FCHSD1: variants seen among roughly 807,000 people sequenced by gnomAD.
FCHSD1 encodes FCH and double SH3 domains 1.
Under a neutral mutation model 101.3 loss-of-function variants are expected in FCHSD1, and 109 were observed. The ratio of observed to expected loss-of-function variants is 1.08; its 90% CI spans 0.92 to 1.26. FCHSD1 has a LOEUF of 1.26. Among genes scored for constraint, FCHSD1 ranks in the 50% most tolerant of loss-of-function variants. FCHSD1 has a pLI of 0.00. For missense variants in FCHSD1, 820 were observed against 895.8 expected (o/e 0.92, Z 1.08); for synonymous variants, 291 against 356.8 (o/e 0.82, Z 2.08).
At chr5:141,647,082 A>T (rs1217350847) in intron 10 of FCHSD1, 53 bp downstream of exon 10, 1 of 1,492,278 alleles carries the variant, frequency 6.7e-7, no homozygotes, top group South Asian at 1.2e-5. Flanking sequence ...AGGAGGCCTA[A>T]ATCATAATCG....
intron 10 of FCHSD1, 67 bp from the exon 11 acceptor site, chr5:141,646,789 T>C: frequency 1.9e-6 from 3 of 1,563,644 alleles, no homozygotes; most frequent in Non-Finnish European, 2.6e-6. Context: ...TCCCTCCTTT[T>C]TCCACTCTAT....
At position 141,649,830 on chromosome 5, in the gene FCHSD1, G is replaced by T; in HGVS notation, c.233+57C>A. 1 of 1,525,054 alleles carries T rather than the reference G, an allele frequency of 6.6e-7. No individual in the cohort carries two copies. 94.5% of individuals were successfully genotyped at this position (1,525,054 alleles called of 1,614,324 possible). A position where few individuals can be genotyped will look rare whatever the true frequency, so the allele number is the denominator to read the frequency against. On this transcript the variant is annotated intron_variant, in intron 4 of 19. Coordinates refer to ENST00000435817, the MANE Select transcript of FCHSD1 (RefSeq NM_033449.3). The surrounding 1 kb of genome is among the most constrained non-coding windows in gnomAD (Gnocchi z 4.1). ...GGCCTTCATCCCCACAGGTTCCTGG[G>T]GCTGAGCTCCCCATCACTTTTTGGC... is the stretch of plus-strand genomic sequence containing the variant.
chr5:141,645,280 A>G (rs759367529), intron 13 of FCHSD1, 132 bp from the exon 14 acceptor site: 23 of 1,266,108 alleles, frequency 1.8e-5, no homozygotes, highest in Admixed American at 4.8e-5. Context: ...CTCACCATGT[A>G]CACAACCACA....
At position 141,650,413 on chromosome 5, in the gene FCHSD1, A is replaced by G. The variant is rs202160756; in HGVS notation, c.120-9T>C. ...TCTGCTTGCTGTAGGATCTGCGGAG[A>G]TTGCAGGTCGGGGGTGAGGTGGGGG... On this transcript the variant is annotated splice_polypyrimidine_tract_variant and intron_variant, in intron 2 of 19. Coordinates refer to ENST00000435817, the MANE Select transcript of FCHSD1 (RefSeq NM_033449.3). 8.2e-4 allele frequency: 1,317 copies of G among 1,613,706 alleles called. 13 individuals are homozygous for G. Among genetic ancestry groups the G allele is most frequent in the South Asian group, 5.0e-3 (453 of 91,072 alleles).
intron 12 of FCHSD1, 53 bp from the exon 13 acceptor site, chr5:141,645,985 T>G: frequency 6.5e-7 from 1 of 1,540,114 alleles, no homozygotes; most frequent in Non-Finnish European, 8.8e-7. Flanking sequence ...CAGTGTTTAC[T>G]CTCTGCTTCT....
Position 141,647,479 on chromosome 5 carries a change from CAG to C in FCHSD1, c.745_746del (p.Leu249AspfsTer7), listed in dbSNP as rs551678974. 1.9e-5 allele frequency: 30 copies of C among 1,612,594 alleles called. No individual in the cohort carries two copies. The South Asian group carries it at 3.2e-4, about 17-fold the overall frequency. On this transcript the variant is annotated frameshift_variant, in exon 9 of 20. Coordinates refer to ENST00000435817, the MANE Select transcript of FCHSD1 (RefSeq NM_033449.3). LOFTEE classifies it high-confidence loss of function. ...CCAGCTCAGTGTGGCTCAGGGAGGT[CAG>C]GGGGTCCCTCAAGTGCTCTGACAGC... ...SELSEHLRDP[L>X]TSLSHTELEA...
At position 141,640,757 on chromosome 5, in the gene FCHSD1, G is replaced by GC. The variant is rs2099906771; in HGVS notation, c.*740dup. 6.2e-6 allele frequency: 8 copies of GC among 1,294,266 alleles called. No homozygotes were observed. Among genetic ancestry groups the GC allele is most frequent in the South Asian group, 1.4e-5 (1 of 72,670 alleles). 80.2% of individuals were successfully genotyped at this position (1,294,266 alleles called of 1,614,324 possible). On this transcript the variant is annotated 3_prime_UTR_variant, in exon 20 of 20. Coordinates refer to ENST00000435817, the MANE Select transcript of FCHSD1 (RefSeq NM_033449.3). ...GCCCTCCCCTCCACTGGACAGCACT[G>GC]CCCCCCAGCTGAGGGACCAGCTCTA...
In FCHSD1 at chr5:141,647,524, G is replaced by C; in HGVS notation, c.706-4C>G. 8 of 1,612,314 alleles carry C rather than the reference G, an allele frequency of 5.0e-6. No individual in the cohort carries two copies. The highest frequency in any genetic ancestry group is 6.8e-6 in the Non-Finnish European group (8 of 1,179,478). On this transcript the variant is annotated splice_polypyrimidine_tract_variant and splice_region_variant and intron_variant, in intron 8 of 19. Coordinates refer to ENST00000435817, the MANE Select transcript of FCHSD1 (RefSeq NM_033449.3). ...CTGACAGCTCACTGACCAGGGCCTA[G>C]AGAGAACCCCAAGATACTGACACCA...
In FCHSD1 at chr5:141,651,070, G is replaced by A; in HGVS notation, c.69C>T (p.Ser23=). 1 of 1,599,154 alleles carries A rather than the reference G, an allele frequency of 6.3e-7. No homozygotes were observed. The highest frequency in any genetic ancestry group is 8.5e-7 in the Non-Finnish European group (1 of 1,172,618). Residue 23 remains serine (S), a synonymous_variant, in exon 2 of 20, where the codon AGC becomes AGT. Coordinates refer to ENST00000435817, the MANE Select transcript of FCHSD1 (RefSeq NM_033449.3). Reference sequence around the variant, plus strand: ...CCCTCTGCTGCCAGGTCTGAAGGATGCTCAGCTGTTCCAGGAAGCGAAGCT... The same window carrying A: ...CCCTCTGCTGCCAGGTCTGAAGGATACTCAGCTGTTCCAGGAAGCGAAGCT... ...EVKLRFLEQL[S]ILQTWQQREA... is the part of the protein sequence containing the mutation.
intron 8 of FCHSD1, 72 bp downstream of exon 8, chr5:141,647,896 G>A: frequency 6.4e-7 from 1 of 1,563,964 alleles, no homozygotes; most frequent in Non-Finnish European, 8.7e-7. Context: ...ACTGTCATGG[G>A]GATCAAGAAG....
At chr5:141,644,118 T>C in intron 17 of FCHSD1, 100 bp downstream of exon 17, 1 of 1,173,180 alleles carries the variant, frequency 8.5e-7, no homozygotes, top group Non-Finnish European at 1.2e-6. Flanking sequence ...GAGGTAAAAC[T>C]GGGGAGCAGA....
In FCHSD1 at chr5:141,651,131, G is replaced by C. The variant is rs1367873053; in HGVS notation, c.22-14C>G. On this transcript the variant is annotated splice_polypyrimidine_tract_variant and intron_variant, in intron 1 of 19. Transcript: ENST00000435817. ...GGCCGGCTTCACCTGTGGGGGCAAA[G>C]AGAGGATGAAGACCCCAGCGCAAGG... The C allele has an allele frequency of 6.4e-7, 1 of 1,573,398 alleles. No individual in the cohort carries two copies. Among genetic ancestry groups the C allele is most frequent in the Non-Finnish European group, 8.6e-7 (1 of 1,158,518 alleles).
At chr5:141,643,129 G>A in intron 17 of FCHSD1, 41 bp from the exon 18 acceptor site, 1 of 1,392,728 alleles carries the variant, frequency 7.2e-7, no homozygotes, top group Non-Finnish European at 9.4e-7. Flanking sequence ...TGGCATGTGG[G>A]GAGGTTTTAC....
chr5:141,646,746 G>A (rs753297657), intron 10 of FCHSD1, 24 bp from the exon 11 acceptor site: 49 of 1,608,000 alleles, frequency 3.0e-5, no homozygotes, highest in Middle Eastern at 1.6e-4. Flanking sequence ...GGGGTGCTGT[G>A]AGGAGGACCT....
Position 141,640,435 on chromosome 5 carries a change from G to T in FCHSD1, c.*1063C>A, listed in dbSNP as rs752134327. 8.1e-6 allele frequency: 13 copies of T among 1,614,046 alleles called. No individual in the cohort carries two copies. The highest frequency in any genetic ancestry group is 1.1e-5 in the Non-Finnish European group (13 of 1,180,022). On this transcript the variant is annotated 3_prime_UTR_variant, in exon 20 of 20. Transcript: ENST00000435817. Reference sequence around the variant, plus strand: ...AGGTGTCTCTACCACAGGGAGCAGGGAGTATGTGAGGTGAGTCTGCCTGAG... The same window carrying T: ...AGGTGTCTCTACCACAGGGAGCAGGTAGTATGTGAGGTGAGTCTGCCTGAG...
intron 10 of FCHSD1, 93 bp downstream of exon 10, chr5:141,647,042 C>A: frequency 8.1e-7 from 1 of 1,236,234 alleles, no homozygotes; most frequent in Non-Finnish European, 1.1e-6. Context: ...GGTGTACACT[C>A]ACTAAGTTAA....
intron 10 of FCHSD1, 112 bp downstream of exon 10, chr5:141,647,023 C>T: frequency 2.8e-6 from 3 of 1,087,144 alleles, no homozygotes; most frequent in South Asian, 1.6e-5. Context: ...TCTGAAACCC[C>T]CTCTCCACGG....
rs1434149134 is a variant in FCHSD1, at chr5:141,644,602, C to G, written c.1613G>C (p.Ser538Thr). Residue 538 changes from serine (S) to threonine (T), a missense_variant, in exon 16 of 20, where the codon AGT (serine) becomes ACT (threonine). By Grantham distance (58) the Ser-to-Thr change is moderately conservative. Transcript: ENST00000435817. ...DLSLPESSQD[S>T]DNPCGAEPTA... is the part of the protein sequence containing the mutation. ...GGGCTCTGCCCCGCAGGGATTGTCA[C>G]TGTCTTGGCTGCTCTCTGGGAGGGA... 3.7e-6 allele frequency: 6 copies of G among 1,614,014 alleles called. No individual in the cohort carries two copies. Among genetic ancestry groups the G allele is most frequent in the Non-Finnish European group, 5.1e-6 (6 of 1,179,882 alleles).
rs2099906660 is a variant in FCHSD1, at chr5:141,640,063, T to C, written c.*1435A>G. 1.2e-6 allele frequency: 2 copies of C among 1,613,392 alleles called. No homozygotes were observed. The highest frequency in any genetic ancestry group is 2.2e-5 in the South Asian group (2 of 91,076). On this transcript the variant is annotated 3_prime_UTR_variant, in exon 20 of 20. Transcript: ENST00000435817. ...GGGGGAGGGCAGCCCAAGGCAGGGA[T>C]GCCTGCCATGGAGAGGCTGCCCCCT...
Sources: allele counts gnomAD v4.1 joint callset, GRCh38; gene constraint gnomAD v4.1.1; non-coding constraint Gnocchi (gnomAD v3.1); transcripts MANE v1.5; gene names NCBI Gene and HGNC (gene_info 2026-07-23, HGNC 2026-07-21).